The following XKR6 variants were observed in gnomAD, a reference collection of about 807,000 sequenced individuals.
XKR6 encodes the protein XK related 6, also known as XK-related protein 6.
In XKR6, 22 loss-of-function variants were observed where a neutral mutation model predicts 56.7. The observed-to-expected ratio is 0.39, with a 90% confidence interval of 0.28 to 0.55. The LOEUF is 0.55. Ranked by LOEUF, XKR6 falls within the 20% of genes least tolerant of loss-of-function variation. The pLI, the probability that XKR6 is intolerant of heterozygous loss-of-function variation, is 0.66. For missense variants in XKR6, 852 were observed against 889.0 expected (o/e 0.96, Z 0.53); for synonymous variants, 524 against 387.8 (o/e 1.35, Z -4.13).
intron 1 of XKR6, 50 bp from the exon 2 acceptor site, chr8:10,924,880 C>A (rs183030920): frequency 5.0e-5 from 78 of 1,553,396 alleles, no homozygotes; most frequent in Non-Finnish European, 6.4e-5. Flanking sequence ...GGTGCAGGGG[C>A]TCCAGAGGAC....
At chr8:11,056,644 G>A (rs1799692293) in intron 1 of XKR6, among the ~76,000 whole-genome samples, 2 of 152,246 alleles carry the variant, frequency 1.3e-5, no homozygotes, top group South Asian at 2.1e-4. Context: ...TGGAAGCTGA[G>A]TGGTCTACAG....
intron 1 of XKR6, among the ~76,000 whole-genome samples, chr8:10,962,685 G>A (rs1367963941): frequency 6.6e-6 from 1 of 151,966 alleles, no homozygotes; most frequent in East Asian, 1.9e-4. Flanking sequence ...GAGTGCAATG[G>A]CGTGATCTCA....
chr8:10,919,729 C>G (rs1440554822), intron 2 of XKR6, among the ~76,000 whole-genome samples: 1 of 152,202 alleles, frequency 6.6e-6, no homozygotes. Context: ...TCCTACTGCA[C>G]TGGACTGCTT....
intron 1 of XKR6, among the ~76,000 whole-genome samples, chr8:11,122,019 A>G (rs1799483624): frequency 6.6e-6 from 1 of 152,240 alleles, no homozygotes; most frequent in Admixed American, 6.5e-5. Context: ...GGAACATCAC[A>G]CACAATGGGA....
chr8:11,131,735 T>C (rs1327356006), intron 1 of XKR6, among the ~76,000 whole-genome samples: 1 of 152,176 alleles, frequency 6.6e-6, no homozygotes, highest in Non-Finnish European at 1.5e-5. Context: ...ACCATATTTT[T>C]ACTACACCTT....
At chr8:11,091,092 A>C (rs1471259839) in intron 1 of XKR6, among the ~76,000 whole-genome samples, 1 of 152,168 alleles carries the variant, frequency 6.6e-6, no homozygotes, top group Non-Finnish European at 1.5e-5. Context: ...AGGTGGCACC[A>C]GGAATGGCAT....
chr8:11,077,223 C>G (rs1398284727), intron 1 of XKR6, among the ~76,000 whole-genome samples: 1 of 152,136 alleles, frequency 6.6e-6, no homozygotes, highest in Non-Finnish European at 1.5e-5. Flanking sequence ...TGCCGGGAAG[C>G]CCAAGCAGCA....
At position 11,147,461 on chromosome 8, in the gene XKR6, T is replaced by C. The variant is rs537195866; in HGVS notation, c.764+53115A>G. Among the ~76,000 whole-genome samples, 24 of 151,668 alleles carry C rather than the reference T, an allele frequency of 1.6e-4. No homozygotes were observed. In the South Asian group the frequency reaches 1.9e-3, roughly 12 times the overall value. Reference sequence around the variant, plus strand: ...CAGGCAGATCAAGAGATCGAGACAATCCTGGCCAACATGGTGAAACCCCAT... The same window carrying C: ...CAGGCAGATCAAGAGATCGAGACAACCCTGGCCAACATGGTGAAACCCCAT... On this transcript the variant is annotated intron_variant, in intron 1 of 2. Coordinates refer to ENST00000416569, the MANE Select transcript of XKR6 (RefSeq NM_173683.4).
At chr8:11,100,472 G>A (rs923523084) in intron 1 of XKR6, among the ~76,000 whole-genome samples, 1 of 152,240 alleles carries the variant, frequency 6.6e-6, no homozygotes, top group Non-Finnish European at 1.5e-5. Flanking sequence ...AGTACGCAAT[G>A]ATTTAGTCTA....
At chr8:11,051,623 C>A (rs757393892) in intron 1 of XKR6, among the ~76,000 whole-genome samples, 4 of 152,166 alleles carry the variant, frequency 2.6e-5, no homozygotes, top group Non-Finnish European at 5.9e-5. Context: ...ACCTGCAGAA[C>A]GTATGTCTGC....
chr8:11,167,484 C>G (rs1802138147), intron 1 of XKR6, among the ~76,000 whole-genome samples: 1 of 152,042 alleles, frequency 6.6e-6, no homozygotes. Context: ...TGGCATTGCC[C>G]AAAAACAATC....
intron 1 of XKR6, among the ~76,000 whole-genome samples, chr8:11,060,050 C>A (rs11781155): frequency 3.9e-5 from 6 of 151,974 alleles, no homozygotes; most frequent in Admixed American, 2.6e-4. Flanking sequence ...TAATTCCATT[C>A]TTTTAAAGCA....
intron 1 of XKR6, among the ~76,000 whole-genome samples, chr8:11,028,768 A>G (rs2129151137): frequency 6.6e-6 from 1 of 152,296 alleles, no homozygotes; most frequent in Middle Eastern, 3.4e-3. Context: ...GTCTTTCCAT[A>G]TCTTGTCCCA....
intron 1 of XKR6, among the ~76,000 whole-genome samples, chr8:11,156,933 C>G (rs953881646): frequency 6.6e-5 from 10 of 152,112 alleles, no homozygotes; most frequent in African/African-American, 2.4e-4. Flanking sequence ...AAGAGAGTAA[C>G]TTTACAGTAG....
At chr8:10,942,985 G>A (rs1216088457) in intron 1 of XKR6, among the ~76,000 whole-genome samples, 1 of 152,218 alleles carries the variant, frequency 6.6e-6, no homozygotes, top group East Asian at 1.9e-4. Context: ...ACATGCAGTG[G>A]CTGCAGGAGA....
chr8:11,130,085 A>G (rs1426663223), intron 1 of XKR6, among the ~76,000 whole-genome samples: 1 of 152,138 alleles, frequency 6.6e-6, no homozygotes, highest in Admixed American at 6.5e-5. Flanking sequence ...CATACTCAAA[A>G]CACACACTTC....
At position 11,188,480 on chromosome 8, in the gene XKR6, C is replaced by G. The variant is rs140110998; in HGVS notation, c.764+12096G>C. The stretch of plus-strand genomic sequence containing the variant: ...AGTAATGAGTCCTTTATTGTAGTTT[C>G]TCTTCCCTTCCAACCCACAGCCATA... On this transcript the variant is annotated intron_variant, in intron 1 of 2. Transcript: ENST00000416569. Among the ~76,000 whole-genome samples, 18 of 152,276 alleles carry G rather than the reference C, an allele frequency of 1.2e-4. No homozygotes were observed. In the East Asian group the frequency reaches 3.3e-3, roughly 28 times the overall value.
intron 1 of XKR6, among the ~76,000 whole-genome samples, chr8:11,076,387 A>G (rs2129168562): frequency 6.6e-6 from 1 of 152,106 alleles, no homozygotes; most frequent in Middle Eastern, 3.4e-3. Context: ...TATTATGCAT[A>G]TTTTACCATA....
intron 1 of XKR6, among the ~76,000 whole-genome samples, chr8:11,042,140 T>C (rs1799301051): frequency 6.6e-6 from 1 of 152,214 alleles, no homozygotes; most frequent in South Asian, 2.1e-4. Context: ...TTCTGCCTTC[T>C]TCACTCTTCA....
Sources: gnomAD v4.1 joint callset for allele counts (sites outside exome capture counted in the v4.1 genomes callset) on GRCh38, gnomAD v4.1.1 for gene constraint, MANE v1.5 for transcripts, NCBI Gene and HGNC (gene_info 2026-07-23, HGNC 2026-07-21) for gene names.